The following CNTN5 variants were observed in gnomAD, a reference collection of about 807,000 sequenced individuals.
CNTN5 encodes the protein contactin-5.
A neutral mutation model predicts 129.1 loss-of-function variants in CNTN5; 77 were observed. The observed-to-expected ratio is 0.60, with a 90% CI of 0.50 to 0.72. The LOEUF (loss-of-function observed/expected upper bound fraction) is 0.72, where lower values mean the gene tolerates loss of function less well. CNTN5 is among the 30% of genes least tolerant of loss of function. The pLI, the probability that CNTN5 is intolerant of heterozygous loss-of-function variation, is 0.00. For synonymous variants in CNTN5, 509 were observed against 465.6 expected (o/e 1.09, Z -1.20); for missense variants, 1,478 against 1,328.8 (o/e 1.11, Z -1.75).
At chr11:100,017,641 TAAAC>T (rs1235053314) in intron 9 of CNTN5, among the ~76,000 whole-genome samples, 6 of 152,166 alleles carry the variant, frequency 3.9e-5, no homozygotes, top group Non-Finnish European at 5.9e-5. Context: ...TCTGAGTTAA[TAAAC>T]AAAAGATCTC....
At chr11:100,041,751 A>T (rs2137681128) in intron 9 of CNTN5, among the ~76,000 whole-genome samples, 1 of 152,376 alleles carries the variant, frequency 6.6e-6, no homozygotes, top group Non-Finnish European at 1.5e-5. Flanking sequence ...TTTAAAAAAC[A>T]ATGGTAAAAA....
chr11:100,033,683 T>A (rs1375718886), intron 9 of CNTN5, among the ~76,000 whole-genome samples: 1 of 152,206 alleles, frequency 6.6e-6, no homozygotes, highest in Non-Finnish European at 1.5e-5. Context: ...TCAAGGTGCT[T>A]AGCACTACTG....
At chr11:99,217,343 T>C (rs1349218506) in intron 1 of CNTN5, among the ~76,000 whole-genome samples, 1 of 152,186 alleles carries the variant, frequency 6.6e-6, no homozygotes, top group Admixed American at 6.5e-5. Flanking sequence ...TCAACATTAC[T>C]AATTATCAGA....
At chr11:100,287,297 C>A (rs573399629) in intron 18 of CNTN5, among the ~76,000 whole-genome samples, 3,075 of 151,682 alleles carry the variant, frequency 0.02, 103 homozygotes, top group African/African-American at 0.07. Flanking sequence ...CTCCAAGACA[C>A]ATAATTGTCA....
At chr11:99,824,001 G>A (rs1270604535) in intron 4 of CNTN5, among the ~76,000 whole-genome samples, 1 of 151,904 alleles carries the variant, frequency 6.6e-6, no homozygotes, top group Non-Finnish European at 1.5e-5. Flanking sequence ...TCAGTTCTAA[G>A]TTCATTTCAT....
intron 1 of CNTN5, among the ~76,000 whole-genome samples, chr11:99,272,017 G>T (rs1427242333): frequency 6.6e-6 from 1 of 151,896 alleles, no homozygotes; most frequent in Non-Finnish European, 1.5e-5. Context: ...ATCACAAAAT[G>T]TATTACTATC....
chr11:99,700,225 A>C (rs73562049), intron 3 of CNTN5, among the ~76,000 whole-genome samples: 27,402 of 151,254 alleles, frequency 0.18, 2,647 homozygotes, highest in African/African-American at 0.22. Context: ...CTGAATGTTA[A>C]ATATTATGTT....
intron 2 of CNTN5, among the ~76,000 whole-genome samples, chr11:99,543,394 T>G (rs1015007219): frequency 6.6e-6 from 1 of 152,200 alleles, no homozygotes; most frequent in African/African-American, 2.4e-5. Context: ...TATTAAGGTA[T>G]CTGTCAAGTG....
intron 13 of CNTN5, among the ~76,000 whole-genome samples, chr11:100,125,462 C>T (rs1378670502): frequency 6.6e-6 from 1 of 151,988 alleles, no homozygotes; most frequent in Non-Finnish European, 1.5e-5. Flanking sequence ...GTATAATGAC[C>T]TTCAGCTCCA....
At chr11:99,147,905 T>G (rs1247614864) in intron 1 of CNTN5, among the ~76,000 whole-genome samples, 2 of 152,074 alleles carry the variant, frequency 1.3e-5, no homozygotes, top group Non-Finnish European at 2.9e-5. Flanking sequence ...CAATGACAGA[T>G]GCTAACGTAT....
At chr11:100,095,269 A>G (rs1944965285) in intron 13 of CNTN5, among the ~76,000 whole-genome samples, 1 of 152,164 alleles carries the variant, frequency 6.6e-6, no homozygotes, top group South Asian at 2.1e-4. Flanking sequence ...GGAAGAAACT[A>G]ACTAGAAGTC....
At chr11:99,168,643 A>G (rs1412872037) in intron 1 of CNTN5, among the ~76,000 whole-genome samples, 1 of 151,608 alleles carries the variant, frequency 6.6e-6, no homozygotes, top group African/African-American at 2.4e-5. Context: ...AATTCTGAAT[A>G]TATCGTAACT....
intron 13 of CNTN5, among the ~76,000 whole-genome samples, chr11:100,149,333 A>AAATT (rs1946967089): frequency 1.3e-5 from 2 of 152,318 alleles, no homozygotes; most frequent in African/African-American, 2.4e-5. Flanking sequence ...CAATGCAGTA[A>AAATT]AATTAAATAT....
intron 13 of CNTN5, among the ~76,000 whole-genome samples, chr11:100,126,246 G>A (rs1946179775): frequency 6.6e-6 from 1 of 152,100 alleles, no homozygotes; most frequent in African/African-American, 2.4e-5. Flanking sequence ...TCCACGTGCA[G>A]ATGAAAAGAA....
At chr11:99,991,159 G>C (rs907021259) in intron 8 of CNTN5, among the ~76,000 whole-genome samples, 1 of 152,096 alleles carries the variant, frequency 6.6e-6, no homozygotes, top group African/African-American at 2.4e-5. Flanking sequence ...GCACAATGAC[G>C]TAACAGTCAA....
At chr11:99,201,598 A>C (rs1859213552) in intron 1 of CNTN5, among the ~76,000 whole-genome samples, 1 of 152,122 alleles carries the variant, frequency 6.6e-6, no homozygotes, top group Non-Finnish European at 1.5e-5. Context: ...GGTGACATTA[A>C]GATAAAAACA....
chr11:99,243,465 A>G (rs572446553), intron 1 of CNTN5, among the ~76,000 whole-genome samples: 1 of 152,066 alleles, frequency 6.6e-6, no homozygotes, highest in South Asian at 2.1e-4. Context: ...CTTTGTTTTA[A>G]TTAGGCCTTA....
At chr11:99,843,289 C>A (rs1947576191) in intron 4 of CNTN5, among the ~76,000 whole-genome samples, 1 of 152,152 alleles carries the variant, frequency 6.6e-6, no homozygotes. Context: ...TCAGTACATG[C>A]TCATAGTGAC....
At chr11:100,251,733 C>CTA (rs1425020350) in intron 16 of CNTN5, among the ~76,000 whole-genome samples, 2 of 152,050 alleles carry the variant, frequency 1.3e-5, no homozygotes, top group Non-Finnish European at 2.9e-5. Flanking sequence ...ATCCATGTTG[C>CTA]CACAAATGAC....
Sources: gnomAD v4.1 joint callset for allele counts (sites outside exome capture counted in the v4.1 genomes callset) on GRCh38, gnomAD v4.1.1 for gene constraint, MANE v1.5 for transcripts, NCBI Gene and HGNC (gene_info 2026-07-23, HGNC 2026-07-21) for gene names.